PDE4C: variants seen among roughly 807,000 people sequenced by gnomAD.
PDE4C encodes the protein 3',5'-cyclic-AMP phosphodiesterase 4C.
PDE4C carries 50 observed loss-of-function variants against 63.9 expected under a neutral mutation model. That is an observed-to-expected ratio of 0.78 (90% CI 0.62 to 0.99). PDE4C has a LOEUF of 0.99. PDE4C is among the 50% of genes least tolerant of loss of function. The pLI, the probability that PDE4C is intolerant of heterozygous loss-of-function variation, is 0.00. For synonymous variants in PDE4C, 377 were observed against 385.1 expected, an observed-to-expected ratio of 0.98 and a Z score of 0.25; for missense variants, 777 against 899.1, an observed-to-expected ratio of 0.86 and a Z score of 1.74.
At chr19:18,249,960 C>T, upstream of PDE4C, 1 of 396,014 alleles carries the variant, frequency 2.5e-6, no homozygotes, top group Admixed American at 4.4e-5. Context: ...GACCCCAGCA[C>T]AGAGCCCAGC....
At chr19:18,216,614 T>C in intron 12 of PDE4C, 127 bp downstream of exon 12, 1 of 902,072 alleles carries the variant, frequency 1.1e-6, no homozygotes, top group South Asian at 1.8e-5. Flanking sequence ...TCAGACAGAG[T>C]GAGGACATGC....
At chr19:18,224,521 G>A in intron 1 of PDE4C, 1 of 985,448 alleles carries the variant, frequency 1.0e-6, no homozygotes, top group Non-Finnish European at 1.2e-6. Flanking sequence ...GAGTTTGTTC[G>A]ATGAGTTCGG....
chr19:18,238,890 C>T (rs1042429838), intron 1 of PDE4C, among the ~76,000 whole-genome samples: 2 of 151,632 alleles, frequency 1.3e-5, no homozygotes, highest in African/African-American at 4.8e-5. Flanking sequence ...ACTCAGGAGG[C>T]TGAGGCAGGA....
At chr19:18,211,873 C>G in exon 14 of PDE4C, 1 of 1,614,260 alleles carries the variant, frequency 6.2e-7, no homozygotes, top group Non-Finnish European at 8.5e-7. Flanking sequence ...GGTCCGTCCA[C>G]TGGCGGTACA....
chr19:18,220,185 C>A lies in PDE4C; in HGVS notation c.706+41G>T, dbSNP rs541508427. The stretch of plus-strand genomic sequence containing the variant: ...GGAATCTTTCTTTTGTTTCTTAGTA[C>A]TCCTAAAATGTCGTCCAGGCAGTGA... On this transcript the variant is annotated intron_variant, in intron 7 of 14. Coordinates refer to ENST00000262805, the Ensembl canonical transcript of PDE4C. The surrounding 1 kb of genome is among the most constrained non-coding windows in gnomAD (Gnocchi z 5.1). 2.7e-6 allele frequency: 4 copies of A among 1,466,904 alleles called. No homozygotes were observed. In the South Asian group the frequency reaches 4.5e-5, roughly 17 times the overall value. The allele number at this position is 1,466,904 out of a possible 1,614,324, so 90.9% of individuals were successfully genotyped here.
At chr19:18,218,194 C>T (rs1273466664) in exon 11 of PDE4C, 2 of 1,614,200 alleles carry the variant, frequency 1.2e-6, no homozygotes, top group Admixed American at 1.7e-5. Context: ...TGGTCCACGT[C>T]GTGGATGGCG....
exon 1 of PDE4C, chr19:18,226,321 A>C (rs1159550165): frequency 6.4e-7 from 1 of 1,564,726 alleles, no homozygotes; most frequent in Admixed American, 1.9e-5. Flanking sequence ...GCTCTGATTC[A>C]CCAAAAGCTT....
At chr19:18,228,455 C>T (rs1011256531), upstream of PDE4C, among the ~76,000 whole-genome samples, 1 of 152,086 alleles carries the variant, frequency 6.6e-6, no homozygotes, top group African/African-American at 2.4e-5. Flanking sequence ...CAGTCATTTG[C>T]CTAAGGACAC....
exon 1 of PDE4C, chr19:18,233,416 G>A: frequency 1.4e-6 from 1 of 709,862 alleles, no homozygotes; most frequent in Non-Finnish European, 2.5e-6. Context: ...GGGTAGAACA[G>A]GGGAGAAGAA....
At chr19:18,234,920 G>T (rs1273588668), upstream of PDE4C, among the ~76,000 whole-genome samples, 1 of 152,144 alleles carries the variant, frequency 6.6e-6, no homozygotes, top group Non-Finnish European at 1.5e-5. Context: ...CCACTCCCAA[G>T]AACTGACTGT....
At position 18,220,913 on chromosome 19, in the gene PDE4C, C is replaced by G; in HGVS notation, c.460G>C (p.Val154Leu). The G allele has an allele frequency of 6.2e-7, 1 of 1,605,422 alleles. No homozygotes were observed. Among genetic ancestry groups the G allele is most frequent in the East Asian group, 2.2e-5 (1 of 44,560 alleles). The change falls in exon 5 of 15, where the codon GTC (valine) becomes CTC (leucine). Residue 154 changes from valine to leucine, a missense_variant. Transcript: ENST00000262805. This position sits in a 1 kb window ranked among gnomAD's most constrained non-coding sequence, Gnocchi z 5.1. The stretch of plus-strand genomic sequence containing the variant: ...TGATTGCTGGATGAAGGGTTTCCGA[C>G]GGGTCCCTGCCTGCGGTACAGCAGC...
At chr19:18,249,308 T>G (rs1969195566), upstream of PDE4C, among the ~76,000 whole-genome samples, 1 of 152,060 alleles carries the variant, frequency 6.6e-6, no homozygotes, top group Admixed American at 6.6e-5. Flanking sequence ...AGGGTCTCAC[T>G]CTGTCACCCA....
chr19:18,211,154 G>A, exon 15 of PDE4C: 1 of 1,614,146 alleles, frequency 6.2e-7, no homozygotes. Context: ...GACTTCGGGG[G>A]ATCTTGCTCT....
chr19:18,236,586 G>A (rs1003303113), upstream of PDE4C, among the ~76,000 whole-genome samples: 2 of 152,134 alleles, frequency 1.3e-5, no homozygotes, highest in Admixed American at 1.3e-4. Flanking sequence ...TCGATGTGAG[G>A]TCAGGAGCCT....
At chr19:18,243,538 C>T (rs1969079410) in intron 1 of PDE4C, among the ~76,000 whole-genome samples, 1 of 152,154 alleles carries the variant, frequency 6.6e-6, no homozygotes, top group African/African-American at 2.4e-5. Context: ...GGGTGGGTTC[C>T]AATTTCGCTG....
rs367859016 is a variant in PDE4C, at chr19:18,218,515, C to T, written c.970-17G>A. 3.7e-6 allele frequency: 6 copies of T among 1,613,686 alleles called. No individual in the cohort carries two copies. Among genetic ancestry groups the T allele is most frequent in the African/African-American group, 2.7e-5 (2 of 74,938 alleles). On this transcript the variant is annotated splice_polypyrimidine_tract_variant and intron_variant, in intron 9 of 14. Transcript: ENST00000262805. ...GTCCCGCTCCTGGTCCATCACAGAC[C>T]CTGGCTCAGGGCCTTGGCCTTGGGG...
chr19:18,233,754 G>C (rs1352297655), upstream of PDE4C: 3 of 334,290 alleles, frequency 9.0e-6, no homozygotes, highest in Admixed American at 4.2e-5. Context: ...CGGGGTTCAG[G>C]TGCACCCCCA....
At chr19:18,255,247 C>A in the PDE4C span, 1 of 399,114 alleles carries the variant, frequency 2.5e-6, no homozygotes, top group East Asian at 3.6e-5. The surrounding 1 kb of genome is among the most constrained non-coding windows in gnomAD (Gnocchi z 4.6). Flanking sequence ...TAATTCACAC[C>A]AGCTTTCAGC....
In PDE4C at chr19:18,220,923, C is replaced by T. The variant is rs1317760101; in HGVS notation, c.450G>A (p.Lys150=). Reference sequence around the variant, plus strand: ...ATGAAGGGTTTCCGACGGGTCCCTGCCTGCGGTACAGCAGCCTCAGGCGTG... The same window carrying T: ...ATGAAGGGTTTCCGACGGGTCCCTGTCTGCGGTACAGCAGCCTCAGGCGTG... Residue 150 remains lysine (K), a splice_region_variant and synonymous_variant, in exon 5 of 15, where the codon AAG becomes AAA. Transcript: ENST00000262805. The surrounding 1 kb of genome is among the most constrained non-coding windows in gnomAD (Gnocchi z 5.1). 1 of 1,603,422 alleles carries T rather than the reference C, an allele frequency of 6.2e-7. No individual in the cohort carries two copies. The highest frequency in any genetic ancestry group is 1.1e-5 in the South Asian group (1 of 88,392).
Sources: gnomAD v4.1 joint callset for allele counts (sites outside exome capture counted in the v4.1 genomes callset) on GRCh38, gnomAD v4.1.1 for gene constraint, Gnocchi (gnomAD v3.1) non-coding constraint, MANE v1.5 for transcripts, NCBI Gene and HGNC (gene_info 2026-07-23, HGNC 2026-07-21) for gene names.